Variants in ADCY8 observed in about 807,000 individuals in gnomAD.
ADCY8 encodes adenylate cyclase type 8.
In ADCY8, 51 loss-of-function variants were observed where a neutral mutation model predicts 119.7. The observed-to-expected ratio is 0.43, with a 90% CI of 0.34 to 0.54. The LOEUF (loss-of-function observed/expected upper bound fraction) is 0.54. ADCY8 is among the 20% of genes least tolerant of loss of function. The pLI is 0.03. For missense variants in ADCY8, 1,383 were observed against 1,598.8 expected (o/e 0.87, Z 2.30); for synonymous variants, 665 against 651.0 (o/e 1.02, Z -0.33).
At chr8:130,847,616 G>A (rs1489698252) in intron 10 of ADCY8, 103 bp from the exon 11 acceptor site, 1 of 921,906 alleles carries the variant, frequency 1.1e-6, no homozygotes, top group African/African-American at 1.7e-5. Context: ...CAGTGGCTGG[G>A]CTTCAGCACG....
chr8:131,001,401 C>T (rs1822942470), intron 1 of ADCY8, among the ~76,000 whole-genome samples: 1 of 151,924 alleles, frequency 6.6e-6, no homozygotes, highest in South Asian at 2.1e-4. Flanking sequence ...TCCTCAGCTC[C>T]ACCACCTGCT....
chr8:130,783,041 A>G (rs1226584804), intron 17 of ADCY8, among the ~76,000 whole-genome samples: 3 of 152,232 alleles, frequency 2.0e-5, no homozygotes, highest in African/African-American at 7.2e-5. Context: ...CATCTACAAA[A>G]TGAGAATGTG....
chr8:130,844,834 T>A (rs1250589085), intron 11 of ADCY8, among the ~76,000 whole-genome samples: 1 of 152,172 alleles, frequency 6.6e-6, no homozygotes, highest in Admixed American at 6.6e-5. Flanking sequence ...AATGGTAACA[T>A]CAATCCATAT....
At chr8:130,901,139 C>T (rs1487778798) in intron 7 of ADCY8, among the ~76,000 whole-genome samples, 1 of 151,788 alleles carries the variant, frequency 6.6e-6, no homozygotes, top group African/African-American at 2.4e-5. Flanking sequence ...TAATTGTGGG[C>T]TAAATTGTGG....
At chr8:130,912,653 G>A (rs1214880250) in intron 5 of ADCY8, among the ~76,000 whole-genome samples, 3 of 152,138 alleles carry the variant, frequency 2.0e-5, no homozygotes, top group East Asian at 3.8e-4. Flanking sequence ...AGTTGAATTG[G>A]GTTGAGAATA....
chr8:130,968,347 T>A (rs1319100051), intron 2 of ADCY8, among the ~76,000 whole-genome samples: 1 of 152,008 alleles, frequency 6.6e-6, no homozygotes, highest in Non-Finnish European at 1.5e-5. Context: ...CTTTTGGTAT[T>A]TTTTTAGTAG....
At chr8:131,009,350 C>T (rs1431159807) in intron 1 of ADCY8, among the ~76,000 whole-genome samples, 1 of 152,182 alleles carries the variant, frequency 6.6e-6, no homozygotes, top group Non-Finnish European at 1.5e-5. Context: ...TGGGCCATTG[C>T]TTGAGAGAGT....
intron 5 of ADCY8, among the ~76,000 whole-genome samples, chr8:130,929,946 T>C (rs995793898): frequency 2.0e-5 from 3 of 152,228 alleles, no homozygotes; most frequent in African/African-American, 4.8e-5. Context: ...TGCATAAGTA[T>C]AGGTATTCCT....
chr8:130,922,208 CTTTTTTT>C (rs751799584), intron 5 of ADCY8, among the ~76,000 whole-genome samples: 2 of 129,048 alleles, frequency 1.5e-5, no homozygotes, highest in South Asian at 5.1e-4. Flanking sequence ...AATTCCCTTT[CTTTTTTT>C]TTTTTTTTTT....
intron 6 of ADCY8, among the ~76,000 whole-genome samples, chr8:130,907,524 C>T (rs1299850809): frequency 6.6e-6 from 1 of 152,152 alleles, no homozygotes; most frequent in Non-Finnish European, 1.5e-5. Context: ...TTTGAAACTA[C>T]ATTTTTAAGG....
chr8:131,017,973 A>G (rs1823535594), intron 1 of ADCY8, among the ~76,000 whole-genome samples: 1 of 152,214 alleles, frequency 6.6e-6, no homozygotes, highest in Admixed American at 6.5e-5. Context: ...TAAAATATAA[A>G]TTGTATTACA....
chr8:130,872,752 A>G (rs1336071479), intron 8 of ADCY8, among the ~76,000 whole-genome samples: 2 of 152,228 alleles, frequency 1.3e-5, no homozygotes, highest in Non-Finnish European at 2.9e-5. Context: ...AACAAAAGAC[A>G]GTAGATTTTA....
At chr8:131,003,203 C>G (rs527523368) in intron 1 of ADCY8, among the ~76,000 whole-genome samples, 2 of 139,874 alleles carry the variant, frequency 1.4e-5, no homozygotes, top group Admixed American at 7.3e-5. Flanking sequence ...GAGTGAAACA[C>G]CATCACACAC....
intron 2 of ADCY8, among the ~76,000 whole-genome samples, chr8:130,953,706 G>A (rs1186377186): frequency 6.6e-6 from 1 of 152,158 alleles, no homozygotes; most frequent in Non-Finnish European, 1.5e-5. Flanking sequence ...ACTTCAAAGA[G>A]TTGCTGTGAG....
intron 5 of ADCY8, among the ~76,000 whole-genome samples, chr8:130,930,483 C>A (rs1321366894): frequency 6.6e-6 from 1 of 152,034 alleles, no homozygotes; most frequent in African/African-American, 2.4e-5. Flanking sequence ...GATCCCCTGA[C>A]CTCACGATCC....
At chr8:130,915,791 T>C (rs2130566828) in intron 5 of ADCY8, among the ~76,000 whole-genome samples, 1 of 152,326 alleles carries the variant, frequency 6.6e-6, no homozygotes, top group East Asian at 1.9e-4. Context: ...AAACTCTGCC[T>C]ACATCAACTC....
At chr8:130,953,451 A>C (rs1821334990) in intron 2 of ADCY8, among the ~76,000 whole-genome samples, 1 of 152,192 alleles carries the variant, frequency 6.6e-6, no homozygotes, top group African/African-American at 2.4e-5. Context: ...GGACAGAATG[A>C]GTCCAGGAGA....
At chr8:130,830,108 A>G (rs1453463685) in intron 12 of ADCY8, among the ~76,000 whole-genome samples, 1 of 152,228 alleles carries the variant, frequency 6.6e-6, no homozygotes, top group East Asian at 1.9e-4. Context: ...AGTTAAGAAG[A>G]AATTACTTAG....
At chr8:130,982,330 CA>C (rs112907959) in intron 2 of ADCY8, among the ~76,000 whole-genome samples, 1,828 of 152,060 alleles carry the variant, frequency 0.012, 43 homozygotes, top group African/African-American at 0.042. Context: ...GTCTTAGTGC[CA>C]AAAAGAAAGA....
Sources: allele counts gnomAD v4.1 joint callset (sites outside exome capture counted in the v4.1 genomes callset), GRCh38; gene constraint gnomAD v4.1.1; transcripts MANE v1.5; gene names NCBI Gene and HGNC (gene_info 2026-07-23, HGNC 2026-07-21).